Variants in CNTN1 observed in about 807,000 individuals in gnomAD.
CNTN1 encodes contactin 1, also known as contactin-1.
A neutral mutation model predicts 126.4 loss-of-function variants in CNTN1; 38 were observed. The observed-to-expected ratio is 0.30, with a 90% CI of 0.23 to 0.39. The LOEUF is 0.39. CNTN1 is among the 10% of genes least tolerant of loss of function. The pLI, the probability that CNTN1 is intolerant of heterozygous loss-of-function variation, is 1.00. For missense variants in CNTN1, 1,009 were observed against 1,248.4 expected (o/e 0.81, Z 2.89); for synonymous variants, 413 against 422.6 (o/e 0.98, Z 0.28).
intron 1 of CNTN1, among the ~76,000 whole-genome samples, chr12:40,704,199 A>G (rs1037801212): frequency 5.9e-5 from 9 of 152,206 alleles, no homozygotes; most frequent in African/African-American, 2.2e-4. Context: ...CAGATTTCAT[A>G]ATTATTTTTT....
chr12:40,892,622 G>A (rs752320482), intron 1 of CNTN1, among the ~76,000 whole-genome samples: 4 of 152,020 alleles, frequency 2.6e-5, no homozygotes, highest in Non-Finnish European at 4.4e-5. Flanking sequence ...ATTGTGCTTC[G>A]ACAGGAATGC....
chr12:40,696,162 G>T (rs1941446931), intron 1 of CNTN1, among the ~76,000 whole-genome samples: 1 of 152,188 alleles, frequency 6.6e-6, no homozygotes, highest in Non-Finnish European at 1.5e-5. Flanking sequence ...TAATAGAAGT[G>T]CTATTGTAGC....
Position 40,712,904 on chromosome 12 carries a change from G to A in CNTN1, c.-77+20312G>A, listed in dbSNP as rs75068361. On this transcript the variant is annotated intron_variant, in intron 1 of 23. Coordinates refer to ENST00000551295, the MANE Select transcript of CNTN1 (RefSeq NM_001843.4). ...TCATCAGGGAGGATCCCTCATGAAC[G>A]GCTTGCTGTCATCCTGCAGGTAATC... Among the ~76,000 whole-genome samples, 1,505 of 152,092 alleles carry A rather than the reference G, an allele frequency of 9.9e-3. 29 individuals carry two copies. The highest frequency in any genetic ancestry group is 0.033 in the African/African-American group (1,376 of 41,518).
chr12:40,933,788 A>G lies in CNTN1; in HGVS notation c.895A>G (p.Asn299Asp), dbSNP rs1945982590. ...STSGAVLKIF[N>D]IQLEDEGIYE... Reference sequence around the variant, plus strand: ...CTCTGGGGCTGTTCTTAAGATCTTCAATATTCAGCTAGAAGATGAAGGCAT... The same window carrying G: ...CTCTGGGGCTGTTCTTAAGATCTTCGATATTCAGCTAGAAGATGAAGGCAT... The change falls in exon 9 of 24, where the codon AAT (asparagine) becomes GAT (aspartate). Residue 299 changes from asparagine (N) to aspartate (D), a missense_variant. Physicochemically the swap from Asn to Asp is conservative, Grantham distance 23 (BLOSUM62 1). Transcript: ENST00000551295. 6.2e-7 allele frequency: 1 copy of G among 1,612,430 alleles called. No individual in the cohort carries two copies. The highest frequency in any genetic ancestry group is 1.1e-5 in the South Asian group (1 of 91,062).
intron 23 of CNTN1, among the ~76,000 whole-genome samples, chr12:41,041,316 C>A (rs1335073662): frequency 1.3e-5 from 2 of 152,166 alleles, no homozygotes; most frequent in Non-Finnish European, 2.9e-5. Context: ...ATTTGACTTG[C>A]CAGTATTTTA....
At chr12:40,796,839 A>C (rs567730629) in intron 1 of CNTN1, among the ~76,000 whole-genome samples, 9 of 152,238 alleles carry the variant, frequency 5.9e-5, no homozygotes, top group African/African-American at 2.2e-4. Context: ...CTAGGATCAA[A>C]GCAAGGTTAA....
chr12:40,788,564 C>T (rs1350890323), intron 1 of CNTN1, among the ~76,000 whole-genome samples: 1 of 151,996 alleles, frequency 6.6e-6, no homozygotes, highest in Non-Finnish European at 1.5e-5. Flanking sequence ...AAAGAGGTTC[C>T]GGTAGCATTA....
At chr12:40,829,124 T>A (rs1204326019) in intron 1 of CNTN1, among the ~76,000 whole-genome samples, 3 of 152,190 alleles carry the variant, frequency 2.0e-5, no homozygotes, top group Non-Finnish European at 4.4e-5. Context: ...CTTGCTTAAA[T>A]ATCATGGCAA....
At position 41,071,096 on chromosome 12, in the gene CNTN1, A is replaced by AATG. The variant is rs1555208339; in HGVS notation, c.*1063_*1064insGAT. 6.6e-6 allele frequency: 1 copy of AATG among 151,644 alleles called. No homozygotes were observed. Among genetic ancestry groups the AATG allele is most frequent in the Admixed American group, 6.6e-5 (1 of 15,230 alleles). The allele number at this position is 151,644 out of a possible 1,614,324, so 9.4% of individuals were successfully genotyped here. On this transcript the variant is annotated 3_prime_UTR_variant, in exon 24 of 24. Coordinates refer to ENST00000551295, the MANE Select transcript of CNTN1 (RefSeq NM_001843.4). The stretch of plus-strand genomic sequence containing the variant: ...TTGTAAAAATAACAATAATAATAAT[A>AATG]ATAATAATTAGTTTTAAGCTCATTT...
At chr12:40,733,285 A>AT (rs1196057389) in intron 1 of CNTN1, among the ~76,000 whole-genome samples, 5 of 151,444 alleles carry the variant, frequency 3.3e-5, no homozygotes, top group South Asian at 2.1e-4. Context: ...TTTTTTGCTT[A>AT]TTTTTTTTGG....
chr12:40,814,712 G>GT (rs925821617), intron 1 of CNTN1, among the ~76,000 whole-genome samples: 115 of 152,000 alleles, frequency 7.6e-4, no homozygotes, highest in African/African-American at 2.3e-3. Context: ...CTTTAAAGTA[G>GT]TTTTTTTTCC....
intron 1 of CNTN1, among the ~76,000 whole-genome samples, chr12:40,891,572 G>T (rs1001813060): frequency 6.6e-6 from 1 of 152,072 alleles, no homozygotes; most frequent in Non-Finnish European, 1.5e-5. Context: ...AGAGTGTAAG[G>T]TACGTAGCTA....
chr12:40,749,766 T>TAAGAGC (rs1265645690), intron 1 of CNTN1, among the ~76,000 whole-genome samples: 11 of 96,710 alleles, frequency 1.1e-4, no homozygotes, highest in South Asian at 3.3e-4. Context: ...AGTTTACATT[T>TAAGAGC]CATGAAAAGT....
intron 1 of CNTN1, among the ~76,000 whole-genome samples, chr12:40,717,021 G>A (rs1017555426): frequency 1.3e-5 from 2 of 152,106 alleles, no homozygotes; most frequent in African/African-American, 4.8e-5. Context: ...TAATAGATGT[G>A]TACAAAGTCT....
rs184644996 is a variant in CNTN1 at position 41,056,124 on chromosome 12, C to T, written c.2981-13835C>T. On this transcript the variant is annotated intron_variant, in intron 23 of 23. Coordinates refer to ENST00000551295, the MANE Select transcript of CNTN1 (RefSeq NM_001843.4). The stretch of plus-strand genomic sequence containing the variant: ...GAATGTGGCCTGCAGAGACCACAGA[C>T]AATTGGCACTCATTTTTCAACAAAC... Among the ~76,000 whole-genome samples, 25 of 152,170 alleles carry T rather than the reference C, an allele frequency of 1.6e-4. No individual in the cohort carries two copies. The East Asian group carries it at 4.8e-3, about 29-fold the overall frequency.
At chr12:41,007,100 C>T (rs1487386028) in intron 17 of CNTN1, among the ~76,000 whole-genome samples, 3 of 134,576 alleles carry the variant, frequency 2.2e-5, no homozygotes, top group Non-Finnish European at 4.6e-5. Context: ...CGCTCTGTCG[C>T]CCAGGCTGGA....
intron 15 of CNTN1, among the ~76,000 whole-genome samples, chr12:40,980,305 G>A (rs1947786353): frequency 6.6e-6 from 1 of 152,068 alleles, no homozygotes; most frequent in South Asian, 2.1e-4. Flanking sequence ...AATTAGTTGG[G>A]TGTTGTGGAG....
intron 1 of CNTN1, among the ~76,000 whole-genome samples, chr12:40,851,369 A>G (rs312275): frequency 0.64 from 97,697 of 152,038 alleles, 31,539 homozygotes; most frequent in African/African-American, 0.7. Flanking sequence ...ATACGTGCAC[A>G]CTCACATGTG....
intron 15 of CNTN1, among the ~76,000 whole-genome samples, chr12:40,961,250 A>G (rs1290467510): frequency 6.6e-6 from 1 of 152,030 alleles, no homozygotes; most frequent in Non-Finnish European, 1.5e-5. Context: ...AGTCATAACC[A>G]TTCTTCAAAC....
Sources: allele counts gnomAD v4.1 joint callset (sites outside exome capture counted in the v4.1 genomes callset), GRCh38; gene constraint gnomAD v4.1.1; transcripts MANE v1.5; gene names NCBI Gene and HGNC (gene_info 2026-07-23, HGNC 2026-07-21).